ACER3: variants seen among roughly 807,000 people sequenced by gnomAD.
The protein encoded by ACER3 is alkCDase 3.
ACER3 carries 16 observed loss-of-function variants against 48.9 expected under a neutral mutation model. That is an observed-to-expected ratio of 0.33 (90% CI 0.22 to 0.50). The LOEUF (loss-of-function observed/expected upper bound fraction) is 0.50, where lower values mean the gene tolerates loss of function less well. Among genes scored for constraint, ACER3 ranks in the 20% least tolerant of loss-of-function variants. ACER3 has a pLI of 0.98. For synonymous variants in ACER3, 109 were observed against 107.8 expected (o/e 1.01, Z -0.07); for missense variants, 227 against 326.0 (o/e 0.70, Z 2.34).
intron 6 of ACER3, among the ~76,000 whole-genome samples, chr11:76,992,411 T>TA: frequency 6.6e-6 from 1 of 152,242 alleles, no homozygotes; most frequent in South Asian, 2.1e-4. Flanking sequence ...CACTATGTAA[T>TA]AAAAAACAAC....
chr11:76,976,243 C>T, intron 3 of ACER3, 46 bp from the exon 4 acceptor site: 1 of 1,364,684 alleles, frequency 7.3e-7, no homozygotes, highest in Non-Finnish European at 1.0e-6. Context: ...ATAATAATTG[C>T]TGCTCCATGA....
rs144524712 is a variant in ACER3 at position 76,933,173 on chromosome 11, C to CAT, written c.214+6525_214+6526dup. ...TGCTTCCCCAAATATATACGTATTT[C>CAT]ATATATATATATATATATATGAAAC... On this transcript the variant is annotated intron_variant, in intron 2 of 10. Transcript: ENST00000532485. Among the ~76,000 whole-genome samples, 743 of 129,584 alleles carry CAT rather than the reference C, an allele frequency of 5.7e-3. 4 individuals carry two copies. The highest frequency in any genetic ancestry group is 0.017 in the East Asian group (73 of 4,206). 85.0% of individuals were successfully genotyped at this position (129,584 alleles called of 152,430 possible).
chr11:76,902,207 A>G (rs2134675640), intron 1 of ACER3, among the ~76,000 whole-genome samples: 1 of 152,134 alleles, frequency 6.6e-6, no homozygotes, highest in South Asian at 2.1e-4. Flanking sequence ...TTAAAGCCCA[A>G]CCCCTTTCTA....
At chr11:76,936,453 G>T (rs1947188548) in intron 2 of ACER3, among the ~76,000 whole-genome samples, 1 of 152,102 alleles carries the variant, frequency 6.6e-6, no homozygotes, top group Non-Finnish European at 1.5e-5. Flanking sequence ...GAGAAAACGT[G>T]TGTGCATTCT....
intron 7 of ACER3, among the ~76,000 whole-genome samples, chr11:77,009,438 C>T (rs1002375117): frequency 6.6e-6 from 1 of 152,184 alleles, no homozygotes; most frequent in African/African-American, 2.4e-5. Flanking sequence ...CTGGGGATTA[C>T]ATCTCAACAT....
rs11368601 is a variant in ACER3, at chr11:76,956,684, C to CTTTT, written c.215-2283_215-2280dup. Among the ~76,000 whole-genome samples the CTTTT allele has an allele frequency of 6.7e-4, 95 of 142,332 alleles. 4 individuals carry two copies. The highest frequency in any genetic ancestry group is 1.0e-3 in the Non-Finnish European group (67 of 65,442). 93.4% of individuals were successfully genotyped at this position (142,332 alleles called of 152,430 possible). ...CAAGATGAACAATCATCCCATCTCACTTTTTTTTTTTTTTTACTTCATAGT... is the reference window on the plus strand; with the variant it reads ...CAAGATGAACAATCATCCCATCTCACTTTTTTTTTTTTTTTTTTTACTTCATAGT... On this transcript the variant is annotated intron_variant, in intron 2 of 10. Transcript: ENST00000532485.
intron 1 of ACER3, among the ~76,000 whole-genome samples, chr11:76,915,035 C>T (rs1322729792): frequency 2.0e-5 from 3 of 151,846 alleles, no homozygotes; most frequent in African/African-American, 4.8e-5. Flanking sequence ...CATCACACAC[C>T]GGGGACTGTT....
rs2135356578 is a variant in ACER3 at position 77,024,974 on chromosome 11, C to T, written c.*4647C>T. On this transcript the variant is annotated 3_prime_UTR_variant, in exon 11 of 11. Transcript: ENST00000532485. ...GTATAGCATCAGCCACAGGTCACTGCTCTGCATACAGTTCCTTTTCAACCC... is the reference window on the plus strand; with the variant it reads ...GTATAGCATCAGCCACAGGTCACTGTTCTGCATACAGTTCCTTTTCAACCC... 1 of 152,348 alleles carries T rather than the reference C, an allele frequency of 6.6e-6. No homozygotes were observed. Among genetic ancestry groups the T allele is most frequent in the East Asian group, 1.9e-4 (1 of 5,184 alleles). 9.4% of individuals were successfully genotyped at this position (152,348 alleles called of 1,614,324 possible).
chr11:76,911,073 A>G (rs944397272), intron 1 of ACER3, among the ~76,000 whole-genome samples: 5 of 152,180 alleles, frequency 3.3e-5, no homozygotes, highest in African/African-American at 1.2e-4. Context: ...GGGTTCTTGG[A>G]TCTTGCGCAA....
At chr11:76,971,767 G>T (rs549947717) in intron 3 of ACER3, among the ~76,000 whole-genome samples, 2 of 152,300 alleles carry the variant, frequency 1.3e-5, no homozygotes, top group South Asian at 4.1e-4. Flanking sequence ...GGCCTGGCTG[G>T]CAAAGGCAGC....
chr11:76,918,823 G>C (rs10899310), intron 1 of ACER3, among the ~76,000 whole-genome samples: 89,986 of 152,062 alleles, frequency 0.59, 28,909 homozygotes, highest in Non-Finnish European at 0.73. Context: ...ACAGCTAGAA[G>C]GTGGTAGTAG....
intron 2 of ACER3, among the ~76,000 whole-genome samples, chr11:76,936,350 A>T (rs989061878): frequency 6.6e-6 from 1 of 152,226 alleles, no homozygotes; most frequent in Non-Finnish European, 1.5e-5. Context: ...AATGATGCTG[A>T]GGAAAAGAAT....
At chr11:76,977,340 G>C (rs748480996) in intron 4 of ACER3, among the ~76,000 whole-genome samples, 39 of 152,236 alleles carry the variant, frequency 2.6e-4, no homozygotes, top group Non-Finnish European at 4.6e-4. Context: ...TGGTAGAAGT[G>C]TAGAAGTGAG....
In ACER3 at chr11:77,023,378, A is replaced by G. The variant is rs73491478; in HGVS notation, c.*3051A>G. ...GACAAAACCTTCAGGTACATAATGC[A>G]TGAAAATCTTTAAATGCCTGCAAAA... On this transcript the variant is annotated 3_prime_UTR_variant, in exon 11 of 11. Coordinates refer to ENST00000532485, the MANE Select transcript of ACER3 (RefSeq NM_018367.7). 0.011 allele frequency: 4,120 copies of G among 382,134 alleles called. 161 individuals are homozygous for G. Among genetic ancestry groups the G allele is most frequent in the African/African-American group, 0.077 (3,744 of 48,466 alleles). 23.7% of individuals were successfully genotyped at this position (382,134 alleles called of 1,614,324 possible). A position where few individuals can be genotyped will look rare whatever the true frequency, so the allele number is the denominator to read the frequency against.
intron 9 of ACER3, among the ~76,000 whole-genome samples, chr11:77,018,513 TA>T (rs1234288438): frequency 1.3e-5 from 2 of 152,232 alleles, no homozygotes; most frequent in African/African-American, 4.8e-5. Context: ...TAGAAATGAT[TA>T]AGCTTAGTGA....
intron 1 of ACER3, among the ~76,000 whole-genome samples, chr11:76,875,732 G>GTTTTTTTTTTTTTTTTTTTT (rs71040037): frequency 3.0e-5 from 2 of 67,078 alleles, no homozygotes; most frequent in African/African-American, 5.6e-5. Flanking sequence ...AGTTTTTGTT[G>GTTTTTTTTTTTTTTTTTTTT]TTTTTTTTTT....
chr11:76,937,591 T>G (rs1443188778), intron 2 of ACER3, among the ~76,000 whole-genome samples: 2 of 152,174 alleles, frequency 1.3e-5, no homozygotes, highest in African/African-American at 2.4e-5. Flanking sequence ...TGTAAAATAA[T>G]ATTTAAAAAG....
intron 7 of ACER3, among the ~76,000 whole-genome samples, chr11:77,005,060 C>T (rs868959992): frequency 2.4e-5 from 3 of 124,658 alleles, no homozygotes; most frequent in East Asian, 2.4e-4. Context: ...TTTTTTGAGA[C>T]GGAGTCTCAC....
At chr11:76,998,904 A>G (rs1416976050) in intron 7 of ACER3, 83 bp downstream of exon 7, 7 of 1,095,690 alleles carry the variant, frequency 6.4e-6, no homozygotes, top group Non-Finnish European at 7.7e-6. Context: ...TCAAAATAAC[A>G]CATAAAAGCT....
Sources: gnomAD v4.1 joint callset for allele counts (sites outside exome capture counted in the v4.1 genomes callset) on GRCh38, gnomAD v4.1.1 for gene constraint, MANE v1.5 for transcripts, NCBI Gene and HGNC (gene_info 2026-07-23, HGNC 2026-07-21) for gene names.